The following TRMT11 variants were observed in gnomAD, a reference collection of about 807,000 sequenced individuals.
TRMT11 encodes tRNA (guanine(10)-N(2))-methyltransferase TRMT11.
A neutral mutation model predicts 62.8 loss-of-function variants in TRMT11; 53 were observed. That is an observed-to-expected ratio of 0.84 (90% confidence interval 0.68 to 1.06). The LOEUF (loss-of-function observed/expected upper bound fraction) is 1.06, where lower values mean the gene tolerates loss of function less well. Ranked by LOEUF, TRMT11 falls within the 50% of genes least tolerant of loss-of-function variation. The pLI is 0.00. For missense variants in TRMT11, 556 were observed against 553.4 expected (o/e 1.00, Z -0.05); for synonymous variants, 188 against 190.3 (o/e 0.99, Z 0.10).
At chr6:126,139,225 A>C (rs1397994402) in intron 21 of TRMT11, among the ~76,000 whole-genome samples, 3 of 152,066 alleles carry the variant, frequency 2.0e-5, no homozygotes, top group African/African-American at 7.2e-5. Context: ...ATATATCCAG[A>C]CTATAAAATA....
intron 17 of TRMT11, among the ~76,000 whole-genome samples, chr6:126,057,543 T>G (rs1776407367): frequency 6.6e-6 from 1 of 152,166 alleles, no homozygotes; most frequent in Admixed American, 6.5e-5. Context: ...ACACTATAAT[T>G]CTGTAATTTG....
intron 17 of TRMT11, among the ~76,000 whole-genome samples, chr6:126,069,154 T>A (rs1383327732): frequency 6.6e-6 from 1 of 152,268 alleles, no homozygotes; most frequent in Non-Finnish European, 1.5e-5. Context: ...TCCTTGGCTT[T>A]GCCTTAACCA....
chr6:126,227,113 C>T, the TRMT11 span, among the ~76,000 whole-genome samples: 2 of 152,176 alleles, frequency 1.3e-5, no homozygotes, highest in Non-Finnish European at 2.9e-5. Context: ...TCTTTATTAG[C>T]AGCATGAAAA....
chr6:126,029,884 TG>T (rs947973993), intron 12 of TRMT11, among the ~76,000 whole-genome samples: 11 of 152,158 alleles, frequency 7.2e-5, no homozygotes, highest in Non-Finnish European at 1.2e-4. Context: ...ATATCCCCAA[TG>T]TTTTTTTTAT....
chr6:126,233,155 T>C, the TRMT11 span, among the ~76,000 whole-genome samples: 1 of 152,198 alleles, frequency 6.6e-6, no homozygotes, highest in Non-Finnish European at 1.5e-5. Context: ...CCAAATCACA[T>C]TGAAGAGATC....
chr6:126,019,533 A>G (rs1011784801), intron 11 of TRMT11, among the ~76,000 whole-genome samples: 1 of 152,178 alleles, frequency 6.6e-6, no homozygotes. Flanking sequence ...ACACCTTAAT[A>G]AAAAAATACT....
At chr6:126,226,684 A>C in the TRMT11 span, among the ~76,000 whole-genome samples, 2 of 152,212 alleles carry the variant, frequency 1.3e-5, no homozygotes, top group Admixed American at 1.3e-4. Flanking sequence ...TATTGAAGGA[A>C]TTGTTTGTGG....
At chr6:126,046,444 T>C (rs1776059515) in intron 16 of TRMT11, among the ~76,000 whole-genome samples, 1 of 152,200 alleles carries the variant, frequency 6.6e-6, no homozygotes, top group Non-Finnish European at 1.5e-5. Flanking sequence ...TAAAAGTAGA[T>C]GTAAAGCCTT....
intron 1 of TRMT11, among the ~76,000 whole-genome samples, chr6:125,990,251 G>A (rs576054271): frequency 6.6e-6 from 1 of 152,232 alleles, no homozygotes; most frequent in African/African-American, 2.4e-5. Flanking sequence ...AATAATTTGA[G>A]GGCTGGGATG....
At chr6:126,011,046 A>G (rs1794098202) in intron 8 of TRMT11, among the ~76,000 whole-genome samples, 2 of 152,204 alleles carry the variant, frequency 1.3e-5, no homozygotes, top group South Asian at 4.1e-4. Context: ...AGTTGACAGA[A>G]CAAGATAAGT....
At chr6:126,224,639 C>T in the TRMT11 span, among the ~76,000 whole-genome samples, 1 of 152,176 alleles carries the variant, frequency 6.6e-6, no homozygotes, top group African/African-American at 2.4e-5. Flanking sequence ...GTGGCAGAGT[C>T]GCACCGCAGC....
At chr6:126,246,286 T>C in the TRMT11 span, among the ~76,000 whole-genome samples, 1 of 152,172 alleles carries the variant, frequency 6.6e-6, no homozygotes, top group Non-Finnish European at 1.5e-5. Context: ...CTTCACTAAT[T>C]ACTGATGCAT....
chr6:126,154,727 A>G (rs1423238106), intron 21 of TRMT11, among the ~76,000 whole-genome samples: 1 of 152,180 alleles, frequency 6.6e-6, no homozygotes, highest in African/African-American at 2.4e-5. Flanking sequence ...GTCATTTCCA[A>G]TCAGGCAGTG....
Position 126,008,285 on chromosome 6 carries a change from A to G in TRMT11, c.680-107A>G. 5.4e-6 allele frequency: 5 copies of G among 934,276 alleles called. 1 individual carries two copies. The Middle Eastern group carries it at 1.1e-3, about 199-fold the overall frequency. 57.9% of individuals were successfully genotyped at this position (934,276 alleles called of 1,614,324 possible). On this transcript the variant is annotated intron_variant, in intron 7 of 12. Coordinates refer to ENST00000334379, the MANE Select transcript of TRMT11 (RefSeq NM_001031712.3). The stretch of plus-strand genomic sequence containing the variant: ...AATATGTTACGACCAATGTCATTCC[A>G]GGATACTCTGCCTGCAGCTAGTTTC...
intron 17 of TRMT11, among the ~76,000 whole-genome samples, chr6:126,067,581 T>C (rs1195243246): frequency 1.3e-5 from 2 of 152,246 alleles, no homozygotes; most frequent in African/African-American, 4.8e-5. Flanking sequence ...GTATCCATTC[T>C]AGTGATGATG....
the TRMT11 span, among the ~76,000 whole-genome samples, chr6:126,240,777 CT>C: frequency 1.5e-3 from 234 of 152,362 alleles, no homozygotes; most frequent in African/African-American, 5.2e-3. Context: ...TTTCTGCTGC[CT>C]TTTGTTTGGC....
chr6:126,018,115 C>A (rs1193557279), intron 11 of TRMT11, among the ~76,000 whole-genome samples: 3 of 152,054 alleles, frequency 2.0e-5, no homozygotes, highest in Non-Finnish European at 2.9e-5. Context: ...TTGTACCCCC[C>A]AAATATGTAC....
chr6:126,257,335 C>A, the TRMT11 span, among the ~76,000 whole-genome samples: 1 of 152,050 alleles, frequency 6.6e-6, no homozygotes, highest in Non-Finnish European at 1.5e-5. Context: ...ATCCTTGCAT[C>A]CATGGGATGA....
intron 17 of TRMT11, among the ~76,000 whole-genome samples, chr6:126,078,851 A>C (rs1420745773): frequency 2.0e-5 from 3 of 152,206 alleles, no homozygotes; most frequent in Admixed American, 1.3e-4. Flanking sequence ...GTAACGAGTC[A>C]TGTTTTTCTC....
Sources: allele counts gnomAD v4.1 joint callset (sites outside exome capture counted in the v4.1 genomes callset), GRCh38; gene constraint gnomAD v4.1.1; transcripts MANE v1.5; gene names NCBI Gene and HGNC (gene_info 2026-07-23, HGNC 2026-07-21).